Variants in FGF12 observed in about 807,000 individuals in gnomAD.
FGF12 encodes fibroblast growth factor 12B.
A neutral mutation model predicts 23.6 loss-of-function variants in FGF12; 14 were observed. The observed-to-expected ratio is 0.59, with a 90% CI of 0.39 to 0.93. The LOEUF is 0.93. Ranked by LOEUF, FGF12 falls within the 40% of genes least tolerant of loss-of-function variation. FGF12 has a pLI of 0.00. For synonymous variants in FGF12, 62 were observed against 77.3 expected, an observed-to-expected ratio of 0.80 and a Z score of 1.04; for missense variants, 175 against 217.8, an observed-to-expected ratio of 0.80 and a Z score of 1.24.
At chr3:192,182,007 GA>G (rs1354790021) in intron 4 of FGF12, among the ~76,000 whole-genome samples, 2 of 151,836 alleles carry the variant, frequency 1.3e-5, no homozygotes, top group African/African-American at 4.8e-5. Context: ...ATAAACAGCA[GA>G]AAAAATATAA....
intron 4 of FGF12, among the ~76,000 whole-genome samples, chr3:192,183,078 T>C (rs1355773990): frequency 6.6e-6 from 1 of 152,134 alleles, no homozygotes; most frequent in Non-Finnish European, 1.5e-5. Context: ...TAATGGTCAA[T>C]GAAGGAGAAA....
At chr3:192,250,985 T>A (rs1000003371) in intron 4 of FGF12, among the ~76,000 whole-genome samples, 1 of 152,136 alleles carries the variant, frequency 6.6e-6, no homozygotes, top group Admixed American at 6.5e-5. Flanking sequence ...AAGTGAGACA[T>A]CCTATTATAT....
intron 2 of FGF12, among the ~76,000 whole-genome samples, chr3:192,695,253 T>TATTC (rs1298965884): frequency 3.3e-5 from 5 of 152,218 alleles, no homozygotes; most frequent in African/African-American, 1.2e-4. Context: ...CGTTGTGTCT[T>TATTC]ATTCACATTG....
intron 2 of FGF12, among the ~76,000 whole-genome samples, chr3:192,422,013 C>T (rs1208219197): frequency 7.1e-6 from 1 of 141,524 alleles, no homozygotes; most frequent in Non-Finnish European, 1.5e-5. Context: ...CATAGTTGGA[C>T]TTCAAAGGTT....
chr3:192,727,140 C>G, intron 2 of FGF12, 41 bp downstream of exon 2: 1 of 1,566,602 alleles, frequency 6.4e-7, no homozygotes, highest in Non-Finnish European at 8.7e-7. Context: ...TGGCCACACG[C>G]ACATGCAGCG....
intron 2 of FGF12, among the ~76,000 whole-genome samples, chr3:192,362,345 G>T (rs146935532): frequency 3.9e-5 from 6 of 152,108 alleles, no homozygotes; most frequent in Admixed American, 3.9e-4. Context: ...CCATTAACTC[G>T]TCATTTACAT....
intron 2 of FGF12, among the ~76,000 whole-genome samples, chr3:192,622,170 C>T (rs1714999566): frequency 6.6e-6 from 1 of 152,174 alleles, no homozygotes; most frequent in African/African-American, 2.4e-5. Context: ...TGCCCTCCCT[C>T]AGCCCAAGGG....
intron 2 of FGF12, among the ~76,000 whole-genome samples, chr3:192,469,750 C>G (rs1450919018): frequency 6.6e-6 from 1 of 152,158 alleles, no homozygotes; most frequent in Non-Finnish European, 1.5e-5. Flanking sequence ...AGGTGTCCAT[C>G]ACTGGGGGAT....
At chr3:192,288,284 CA>C (rs1228971760) in intron 4 of FGF12, among the ~76,000 whole-genome samples, 1 of 151,980 alleles carries the variant, frequency 6.6e-6, no homozygotes, top group Non-Finnish European at 1.5e-5. Context: ...TGATTTATAG[CA>C]ATTAATGCAG....
At chr3:192,643,000 C>T (rs986268307) in intron 2 of FGF12, among the ~76,000 whole-genome samples, 2 of 152,140 alleles carry the variant, frequency 1.3e-5, no homozygotes, top group Non-Finnish European at 2.9e-5. Context: ...GTTTTCTTAC[C>T]AGCAGCAAAT....
intron 2 of FGF12, among the ~76,000 whole-genome samples, chr3:192,362,101 C>T (rs1055087869): frequency 3.3e-5 from 5 of 152,126 alleles, no homozygotes; most frequent in Non-Finnish European, 7.4e-5. Flanking sequence ...ACATTAGAAT[C>T]CTCTGCCTTG....
Position 192,656,822 on chromosome 3 carries a change from C to T in FGF12, c.13+70359G>A, listed in dbSNP as rs184813815. ...GTCTGTAATCCTTGACGCGACCTGG[C>T]TTCCAATGTATTTTTTGTTCACAGG... On this transcript the variant is annotated intron_variant, in intron 2 of 5. Transcript: ENST00000445105. Among the ~76,000 whole-genome samples, 9 of 152,244 alleles carry T rather than the reference C, an allele frequency of 5.9e-5. No individual in the cohort carries two copies. The East Asian group carries it at 1.5e-3, about 26-fold the overall frequency.
chr3:192,671,970 G>T (rs1560189539), intron 2 of FGF12, among the ~76,000 whole-genome samples: 1 of 152,214 alleles, frequency 6.6e-6, no homozygotes, highest in Non-Finnish European at 1.5e-5. Context: ...AATTCATACA[G>T]ACAAATTTCT....
intron 2 of FGF12, among the ~76,000 whole-genome samples, chr3:192,499,547 T>G (rs1188680910): frequency 8.4e-6 from 1 of 118,502 alleles, no homozygotes; most frequent in Non-Finnish European, 1.7e-5. Flanking sequence ...TTTTTTTTTT[T>G]TTGAGACAGA....
At chr3:192,182,759 G>A (rs909531692) in intron 4 of FGF12, among the ~76,000 whole-genome samples, 5 of 152,054 alleles carry the variant, frequency 3.3e-5, no homozygotes, top group Non-Finnish European at 7.4e-5. Flanking sequence ...ACATCCAGGG[G>A]GCCCTGAAAT....
At chr3:192,421,862 T>G (rs1249275741) in intron 2 of FGF12, among the ~76,000 whole-genome samples, 1 of 152,026 alleles carries the variant, frequency 6.6e-6, no homozygotes, top group Admixed American at 6.6e-5. Flanking sequence ...GAAACTCTCT[T>G]GAAGCTGCTA....
At chr3:192,338,517 A>C (rs754158085) in intron 3 of FGF12, among the ~76,000 whole-genome samples, 7 of 152,164 alleles carry the variant, frequency 4.6e-5, no homozygotes. Flanking sequence ...TCCTTCCTTA[A>C]AGACAGCATA....
intron 4 of FGF12, among the ~76,000 whole-genome samples, chr3:192,254,115 C>T (rs941806866): frequency 3.9e-5 from 6 of 151,902 alleles, no homozygotes; most frequent in African/African-American, 1.4e-4. Context: ...CCATAGTTCT[C>T]TTGAACTTAT....
intron 2 of FGF12, among the ~76,000 whole-genome samples, chr3:192,703,183 T>C (rs1022839270): frequency 1.3e-5 from 2 of 152,202 alleles, no homozygotes; most frequent in African/African-American, 2.4e-5. Flanking sequence ...CTTACAGATA[T>C]AGTGGGTTGG....
Sources: gnomAD v4.1 joint callset for allele counts (sites outside exome capture counted in the v4.1 genomes callset) on GRCh38, gnomAD v4.1.1 for gene constraint, MANE v1.5 for transcripts, NCBI Gene and HGNC (gene_info 2026-07-23, HGNC 2026-07-21) for gene names.